Variants in IGSF6 observed in about 807,000 individuals in gnomAD.
IGSF6 encodes immunoglobulin superfamily member 6, also known as down-regulated by activation (immunoglobulin superfamily).
IGSF6 carries 23 observed loss-of-function variants against 24.7 expected under a neutral mutation model. The ratio of observed to expected loss-of-function variants is 0.93; its 90% CI spans 0.67 to 1.32. IGSF6 has a LOEUF of 1.32. Ranked by LOEUF, IGSF6 falls within the 40% of genes most tolerant of loss-of-function variation. The pLI, the probability that IGSF6 is intolerant of heterozygous loss-of-function variation, is 0.00. For missense variants in IGSF6, 295 were observed against 293.6 expected, an observed-to-expected ratio of 1.00 and a Z score of -0.04; for synonymous variants, 110 against 113.7, an observed-to-expected ratio of 0.97 and a Z score of 0.21.
Position 21,647,389 on chromosome 16 carries a change from T to C in IGSF6, c.171A>G (p.Gly57=), listed in dbSNP as rs150845052. The part of the protein sequence containing the change: ...VTIKCTFSAT[G]CPSEQPTCLW... ...GGCATGTTGGTTGCTCAGAAGGGCA[T>C]CCGGTTGCGGAGAAGGTACACTTTA... The change falls in exon 2 of 6, where the codon GGA becomes GGG. Residue 57 remains glycine (G), a synonymous_variant. Transcript: ENST00000268389. The C allele has an allele frequency of 9.3e-6, 15 of 1,614,100 alleles. No homozygotes were observed. The African/African-American group carries it at 1.2e-4, about 13-fold the overall frequency.
At chr16:21,645,432 G>A (rs540922264) in intron 2 of IGSF6, among the ~76,000 whole-genome samples, 50 of 152,214 alleles carry the variant, frequency 3.3e-4, no homozygotes, top group African/African-American at 6.7e-4. Flanking sequence ...ACTCCAGCCC[G>A]GGCGACAGAG....
At chr16:21,647,661 C>T (rs1032662296) in intron 1 of IGSF6, among the ~76,000 whole-genome samples, 169 bp from the exon 2 acceptor site, 3 of 152,154 alleles carry the variant, frequency 2.0e-5, no homozygotes, top group South Asian at 2.1e-4. Flanking sequence ...CCCAACTCCT[C>T]CTGTTTTCTG....
At position 21,647,128 on chromosome 16, in the gene IGSF6, C is replaced by G. The variant is rs1567346828; in HGVS notation, c.427+5G>C. 1.2e-6 allele frequency: 2 copies of G among 1,614,218 alleles called. No individual in the cohort carries two copies. The highest frequency in any genetic ancestry group is 4.5e-5 in the East Asian group (2 of 44,888). ...ATGCACTGAAATAAAGCCTCGCTGA[C>G]TGACCTCTTACCACCAGTGTGGTCC... is the stretch of plus-strand genomic sequence containing the variant. On this transcript the variant is annotated splice_donor_5th_base_variant and intron_variant, in intron 2 of 5. Transcript: ENST00000268389.
chr16:21,646,908 A>C, intron 2 of IGSF6: 1 of 547,862 alleles, frequency 1.8e-6, no homozygotes. Flanking sequence ...CGTCCACCTC[A>C]GCCTCAAAGT....
chr16:21,648,356 AGTTAGTGTGAC>A (rs1264296261), intron 1 of IGSF6, among the ~76,000 whole-genome samples: 1 of 152,190 alleles, frequency 6.6e-6, no homozygotes, highest in Non-Finnish European at 1.5e-5. Flanking sequence ...GACCTCATGC[AGTTAGTGTGAC>A]GTTCAAGATG....
chr16:21,650,626 T>A (rs1966548525), intron 1 of IGSF6, among the ~76,000 whole-genome samples: 2 of 152,144 alleles, frequency 1.3e-5, no homozygotes. Flanking sequence ...TGGAATTTCA[T>A]ATCTCTACTT....
At chr16:21,646,621 C>T (rs1354174613) in intron 2 of IGSF6, 1 of 201,982 alleles carries the variant, frequency 5.0e-6, no homozygotes, top group Non-Finnish European at 1.0e-5. Context: ...AAATCACTGA[C>T]TTTGTGTTAG....
In IGSF6 at chr16:21,647,211, T is replaced by C; in HGVS notation, c.349A>G (p.Ile117Val). 6.2e-7 allele frequency: 1 copy of C among 1,614,142 alleles called. No individual in the cohort carries two copies. The highest frequency in any genetic ancestry group is 8.5e-7 in the Non-Finnish European group (1 of 1,179,982). Residue 117 changes from isoleucine to valine, a missense_variant, in exon 2 of 6, where the codon ATC (isoleucine) becomes GTC (valine). Ile to Val is a conservative substitution (Grantham distance 29). Coordinates refer to ENST00000268389, the MANE Select transcript of IGSF6 (RefSeq NM_005849.4). The part of the protein sequence containing the change: ...RVTSNDSAIY[I>V]CGIAFPSVPE... Reference sequence around the variant, plus strand: ...ACACTGGGGAATGCTATTCCACAGATGTAAATTGCACTGTCATTTGAAGTC... The same window carrying C: ...ACACTGGGGAATGCTATTCCACAGACGTAAATTGCACTGTCATTTGAAGTC...
Position 21,641,334 on chromosome 16 carries a change from A to T in IGSF6, c.*200T>A. 1 of 392,096 alleles carries T rather than the reference A, an allele frequency of 2.6e-6. No individual in the cohort carries two copies. The highest frequency in any genetic ancestry group is 4.5e-5 in the Admixed American group (1 of 22,084). The allele number at this position is 392,096 out of a possible 1,614,324, so 24.3% of individuals were successfully genotyped here. ...TTGGCAAATTTGGAAGGTATTTTTC[A>T]GTTGCATTTTGTTGGGTTTTAGTAT... On this transcript the variant is annotated 3_prime_UTR_variant, in exon 6 of 6. Coordinates refer to ENST00000268389, the MANE Select transcript of IGSF6 (RefSeq NM_005849.4).
At chr16:21,650,798 G>C (rs910736498) in intron 1 of IGSF6, among the ~76,000 whole-genome samples, 1 of 152,156 alleles carries the variant, frequency 6.6e-6, no homozygotes, top group African/African-American at 2.4e-5. Context: ...ACCACAGCCT[G>C]CTTCTGTGAA....
Position 21,641,041 on chromosome 16 carries a change from G to A in IGSF6, c.*493C>T, listed in dbSNP as rs1292707909. On this transcript the variant is annotated 3_prime_UTR_variant, in exon 6 of 6. Coordinates refer to ENST00000268389, the MANE Select transcript of IGSF6 (RefSeq NM_005849.4). Reference sequence around the variant, plus strand: ...TTTGCATACCCTGGCAGGCAAATGTGCGTTACCCCACTGCCCCATTACAAC... The same window carrying A: ...TTTGCATACCCTGGCAGGCAAATGTACGTTACCCCACTGCCCCATTACAAC... 1 of 152,384 alleles carries A rather than the reference G, an allele frequency of 6.6e-6. No individual in the cohort carries two copies. Among genetic ancestry groups the A allele is most frequent in the Non-Finnish European group, 1.5e-5 (1 of 68,210 alleles). The allele number at this position is 152,384 out of a possible 1,614,324, so 9.4% of individuals were successfully genotyped here.
intron 1 of IGSF6, among the ~76,000 whole-genome samples, chr16:21,648,684 C>T (rs1259236311): frequency 6.6e-6 from 1 of 152,240 alleles, no homozygotes; most frequent in Non-Finnish European, 1.5e-5. Context: ...CTAAACCCTT[C>T]TTTTGCGGCA....
chr16:21,641,781 C>CT (rs916803715), intron 5 of IGSF6, among the ~76,000 whole-genome samples, 188 bp from the exon 6 acceptor site: 222 of 146,980 alleles, frequency 1.5e-3, no homozygotes, highest in Middle Eastern at 3.5e-3. Context: ...CTGAAAAATA[C>CT]TTTTTTTTTT....
Position 21,646,450 on chromosome 16 carries a change from T to A in IGSF6, c.427+683A>T, listed in dbSNP as rs551543387. 2.2e-3 allele frequency: 339 copies of A among 156,452 alleles called. 1 individual carries two copies. Among genetic ancestry groups the A allele is most frequent in the Middle Eastern group, 0.01 (3 of 296 alleles). The allele number at this position is 156,452 out of a possible 1,614,324, so 9.7% of individuals were successfully genotyped here. On this transcript the variant is annotated intron_variant, in intron 2 of 5. Transcript: ENST00000268389. ...CTTTTACACTTCTCTAGTGCTTTGT[T>A]CTAGGTGGTGCATTACCAGACTAGT... is the stretch of plus-strand genomic sequence containing the variant.
chr16:21,643,240 T>C, intron 4 of IGSF6, 86 bp from the exon 5 acceptor site: 1 of 1,005,136 alleles, frequency 9.9e-7, no homozygotes, highest in Admixed American at 1.9e-5. Context: ...TCTTGCTCTA[T>C]TGCCACCGGT....
intron 2 of IGSF6, among the ~76,000 whole-genome samples, chr16:21,646,153 T>TC (rs1555492888): frequency 4.7e-5 from 3 of 64,470 alleles, no homozygotes; most frequent in African/African-American, 1.4e-4. Flanking sequence ...TCTCTGAAAT[T>TC]CCCCCTTTTT....
In IGSF6 at chr16:21,641,600, T is replaced by C; in HGVS notation, c.667-7A>G. 1 of 1,545,008 alleles carries C rather than the reference T, an allele frequency of 6.5e-7. No homozygotes were observed. Among genetic ancestry groups the C allele is most frequent in the Non-Finnish European group, 8.9e-7 (1 of 1,120,672 alleles). ...AAGTGTTGTTATCTTTCTCCTGCAATAATAAATAAATAGAAAGCCATGTTT... is the reference window on the plus strand; with the variant it reads ...AAGTGTTGTTATCTTTCTCCTGCAACAATAAATAAATAGAAAGCCATGTTT... On this transcript the variant is annotated splice_polypyrimidine_tract_variant and splice_region_variant and intron_variant, in intron 5 of 5. Transcript: ENST00000268389.
chr16:21,650,697 C>T (rs978573459), intron 1 of IGSF6, among the ~76,000 whole-genome samples: 4 of 152,088 alleles, frequency 2.6e-5, no homozygotes, highest in Middle Eastern at 3.2e-3. Flanking sequence ...ATGATTTCCT[C>T]TGTGAGCAGG....
At chr16:21,643,361 T>C (rs1966328770) in intron 4 of IGSF6, among the ~76,000 whole-genome samples, 187 bp downstream of exon 4, 1 of 152,172 alleles carries the variant, frequency 6.6e-6, no homozygotes, top group Admixed American at 6.5e-5. Context: ...AAGTCACAGT[T>C]TACCCCTTGA....
Sources: allele counts gnomAD v4.1 joint callset (sites outside exome capture counted in the v4.1 genomes callset), GRCh38; gene constraint gnomAD v4.1.1; transcripts MANE v1.5; gene names NCBI Gene and HGNC (gene_info 2026-07-23, HGNC 2026-07-21).